The following UCMA variants were observed in gnomAD, a reference collection of about 807,000 sequenced individuals.
The protein encoded by UCMA is upper zone of growth plate and cartilage matrix-associated protein.
A neutral mutation model predicts 21.8 loss-of-function variants in UCMA; 21 were observed. That is an observed-to-expected ratio of 0.97 (90% CI 0.68 to 1.39). UCMA has a LOEUF of 1.39. Among genes scored for constraint, UCMA ranks in the 40% most tolerant of loss-of-function variants. UCMA has a pLI of 0.00. For missense variants in UCMA, 193 were observed against 178.9 expected, an observed-to-expected ratio of 1.08 and a Z score of -0.45; for synonymous variants, 76 against 67.9, an observed-to-expected ratio of 1.12 and a Z score of -0.58.
At chr10:13,223,962 G>A (rs977109047) in intron 4 of UCMA, among the ~76,000 whole-genome samples, 9 of 152,280 alleles carry the variant, frequency 5.9e-5, no homozygotes, top group East Asian at 1.9e-4. Context: ...ATGAGGCTAT[G>A]CAAGGGTTTG....
chr10:13,225,034 G>T (rs1301899256), intron 4 of UCMA, among the ~76,000 whole-genome samples: 1 of 152,064 alleles, frequency 6.6e-6, no homozygotes, highest in Non-Finnish European at 1.5e-5. Context: ...TGGTTTTGAC[G>T]TAGAAGTTGA....
intron 4 of UCMA, among the ~76,000 whole-genome samples, chr10:13,224,081 TG>T (rs1158804513): frequency 6.6e-6 from 1 of 152,138 alleles, no homozygotes; most frequent in Admixed American, 6.5e-5. Context: ...CCCAGCACTT[TG>T]GGGGGCCAAG....
chr10:13,225,391 C>CG (rs1834811022), intron 4 of UCMA, among the ~76,000 whole-genome samples: 1 of 42,174 alleles, frequency 2.4e-5, no homozygotes, highest in South Asian at 8.4e-4. Context: ...ATAGGTGACT[C>CG]GGGGCGGGGG....
At chr10:13,228,775 C>A (rs1834858014) in intron 4 of UCMA, among the ~76,000 whole-genome samples, 1 of 151,962 alleles carries the variant, frequency 6.6e-6, no homozygotes, top group Non-Finnish European at 1.5e-5. Context: ...TGCGGTGATG[C>A]CCAAATAGGA....
intron 4 of UCMA, among the ~76,000 whole-genome samples, chr10:13,223,831 C>T (rs1011618253): frequency 2.6e-5 from 4 of 151,340 alleles, no homozygotes; most frequent in East Asian, 1.9e-4. Flanking sequence ...GTATTACAGG[C>T]GTGAGCCACT....
intron 3 of UCMA, among the ~76,000 whole-genome samples, chr10:13,232,059 C>T (rs1367339407): frequency 6.6e-6 from 1 of 152,124 alleles, no homozygotes; most frequent in Non-Finnish European, 1.5e-5. Context: ...TGGTGTAGCT[C>T]ATTGTTTGGA....
chr10:13,231,102 C>G (rs1461713597), intron 3 of UCMA, among the ~76,000 whole-genome samples: 1 of 151,910 alleles, frequency 6.6e-6, no homozygotes, highest in Non-Finnish European at 1.5e-5. Context: ...AAGTAAGACG[C>G]TTACCTTAAT....
chr10:13,232,350 C>T (rs901253619), intron 3 of UCMA, among the ~76,000 whole-genome samples: 16 of 114,896 alleles, frequency 1.4e-4, no homozygotes, highest in African/African-American at 1.4e-4. Context: ...CCAGCCTGGG[C>T]GACAGAGTGA....
chr10:13,234,138 G>A (rs1042835717), intron 1 of UCMA, 63 bp downstream of exon 1: 5 of 1,481,118 alleles, frequency 3.4e-6, no homozygotes, highest in Middle Eastern at 3.5e-4. Flanking sequence ...AGCCTTACCT[G>A]TGCATGGTAA....
At chr10:13,228,514 G>A (rs773568604) in intron 4 of UCMA, among the ~76,000 whole-genome samples, 4 of 152,214 alleles carry the variant, frequency 2.6e-5, no homozygotes, top group Non-Finnish European at 5.9e-5. Context: ...GATGCTGCAG[G>A]TGGGGTGAGA....
Position 13,230,501 on chromosome 10 carries a change from T to A in UCMA, c.221-792A>T, listed in dbSNP as rs539858776. Among the ~76,000 whole-genome samples, 13 of 152,266 alleles carry A rather than the reference T, an allele frequency of 8.5e-5. 1 individual carries two copies. The South Asian group carries it at 2.7e-3, about 32-fold the overall frequency. On this transcript the variant is annotated intron_variant, in intron 3 of 4. Coordinates refer to ENST00000378681, the MANE Select transcript of UCMA (RefSeq NM_145314.3). Reference sequence around the variant, plus strand: ...CACGAGCTTCAACTGGAGAAACCCATGAAGCCAGGGAGGCCACGTCTAGGG... The same window carrying A: ...CACGAGCTTCAACTGGAGAAACCCAAGAAGCCAGGGAGGCCACGTCTAGGG...
chr10:13,229,773 A>G (rs1834875473), intron 3 of UCMA, 64 bp from the exon 4 acceptor site: 7 of 1,363,482 alleles, frequency 5.1e-6, no homozygotes, highest in Non-Finnish European at 6.2e-6. Flanking sequence ...GCACACACTT[A>G]GGGGAGCACA....
chr10:13,229,100 T>C (rs1045960907), intron 4 of UCMA, among the ~76,000 whole-genome samples: 2 of 152,018 alleles, frequency 1.3e-5, no homozygotes, highest in African/African-American at 4.8e-5. Flanking sequence ...CACACCCAGC[T>C]AATTTTTGTA....
At chr10:13,223,886 A>AG (rs34976159) in intron 4 of UCMA, among the ~76,000 whole-genome samples, 2 of 151,542 alleles carry the variant, frequency 1.3e-5, no homozygotes, top group Admixed American at 6.6e-5. Context: ...AAAAAAAAAA[A>AG]GAGGTTGCCA....
chr10:13,233,484 G>T (rs979746659), intron 3 of UCMA, 54 bp downstream of exon 3: 4 of 1,427,870 alleles, frequency 2.8e-6, no homozygotes, highest in South Asian at 2.4e-5. Context: ...GGAGCCGGGG[G>T]GTGTGAGCAG....
chr10:13,224,138 G>A (rs1277612847), intron 4 of UCMA, among the ~76,000 whole-genome samples: 5 of 152,102 alleles, frequency 3.3e-5, no homozygotes, highest in African/African-American at 1.2e-4. Flanking sequence ...AGCCTGAGCA[G>A]CGTTAGCAAG....
intron 4 of UCMA, among the ~76,000 whole-genome samples, chr10:13,223,289 C>T (rs1050049208): frequency 6.6e-6 from 1 of 150,818 alleles, no homozygotes; most frequent in Admixed American, 6.6e-5. Context: ...AAAACAGGGA[C>T]ACACAAATGG....
chr10:13,229,516 A>T, intron 4 of UCMA, 95 bp downstream of exon 4: 1 of 1,211,888 alleles, frequency 8.3e-7, no homozygotes, highest in African/African-American at 1.5e-5. Flanking sequence ...AAAAAAAGAA[A>T]AAAAAAAAAA....
At chr10:13,230,292 A>C (rs546472143) in intron 3 of UCMA, among the ~76,000 whole-genome samples, 1 of 152,330 alleles carries the variant, frequency 6.6e-6, no homozygotes, top group African/African-American at 2.4e-5. Context: ...TAGGCAACAG[A>C]GCGAGACCCT....
Sources: allele counts gnomAD v4.1 joint callset (sites outside exome capture counted in the v4.1 genomes callset), GRCh38; gene constraint gnomAD v4.1.1; transcripts MANE v1.5; gene names NCBI Gene and HGNC (gene_info 2026-07-23, HGNC 2026-07-21).